Variants in LRRTM3 observed in about 807,000 individuals in gnomAD.
LRRTM3 encodes leucine rich repeat transmembrane neuronal 3.
Under a neutral mutation model 44.7 loss-of-function variants are expected in LRRTM3, and 24 were observed. That is an observed-to-expected ratio of 0.54 (90% CI 0.39 to 0.76). The LOEUF is 0.76. Ranked by LOEUF, LRRTM3 falls within the 30% of genes least tolerant of loss-of-function variation. LRRTM3 has a pLI of 0.00. For missense variants in LRRTM3, 587 were observed against 702.2 expected (o/e 0.84, Z 1.85); for synonymous variants, 277 against 278.7 (o/e 0.99, Z 0.06).
chr10:66,981,382 C>G (rs1850432745), intron 2 of LRRTM3, among the ~76,000 whole-genome samples: 1 of 152,232 alleles, frequency 6.6e-6, no homozygotes, highest in South Asian at 2.1e-4. Context: ...GCATAAGTCA[C>G]CCTGCATTCT....
At chr10:66,950,087 G>A (rs768946644) in intron 2 of LRRTM3, among the ~76,000 whole-genome samples, 3 of 151,968 alleles carry the variant, frequency 2.0e-5, no homozygotes, top group Admixed American at 6.6e-5. Flanking sequence ...CTCTTTGAAC[G>A]TCTCCTTCAG....
At chr10:67,046,723 T>C (rs1854772383) in intron 2 of LRRTM3, among the ~76,000 whole-genome samples, 1 of 152,240 alleles carries the variant, frequency 6.6e-6, no homozygotes, top group African/African-American at 2.4e-5. Flanking sequence ...CAGCATTTTG[T>C]TACCATTATC....
rs35733981 is a variant in LRRTM3 at position 66,927,421 on chromosome 10, C to T, written c.505C>T (p.Leu169=). 0.012 allele frequency: 20,029 copies of T among 1,614,122 alleles called. 428 individuals carry two copies. Among genetic ancestry groups the T allele is most frequent in the African/African-American group, 0.094 (7,030 of 75,022 alleles). Residue 169 remains leucine, a synonymous_variant, in exon 2 of 3, where the codon CTG becomes TTG. Coordinates refer to ENST00000361320, the MANE Select transcript of LRRTM3 (RefSeq NM_178011.5). The surrounding 1 kb of genome is among the most constrained non-coding windows in gnomAD (Gnocchi z 4.7). The part of the protein sequence containing the change: ...LLSLHLRSNS[L]RTIPVRIFQD... The stretch of plus-strand genomic sequence containing the variant: ...GAGTTTACATTTACGGTCTAACTCC[C>T]TGAGAACCATCCCTGTGCGAATATT...
intron 2 of LRRTM3, among the ~76,000 whole-genome samples, chr10:66,943,346 C>A (rs1397134544): frequency 6.6e-6 from 1 of 151,862 alleles, no homozygotes; most frequent in South Asian, 2.1e-4. Flanking sequence ...TTTTTTTTTA[C>A]ACTTTAACAC....
intron 2 of LRRTM3, among the ~76,000 whole-genome samples, chr10:66,966,472 G>A (rs1449220881): frequency 3.3e-5 from 4 of 119,848 alleles, no homozygotes; most frequent in South Asian, 3.5e-4. Flanking sequence ...GGGTTAACTC[G>A]GCTATGTAAT....
At chr10:66,961,891 A>C (rs1039425717) in intron 2 of LRRTM3, among the ~76,000 whole-genome samples, 1 of 152,072 alleles carries the variant, frequency 6.6e-6, no homozygotes, top group Admixed American at 6.6e-5. Context: ...ATGGAGGCCA[A>C]ATGTTTGAAG....
chr10:66,951,647 C>T (rs35415859), intron 2 of LRRTM3, among the ~76,000 whole-genome samples: 25,532 of 150,692 alleles, frequency 0.17, 2,222 homozygotes, highest in Non-Finnish European at 0.18. Context: ...TTCTTAACCA[C>T]ACTATTGGCT....
chr10:66,980,644 G>A (rs183795225), intron 2 of LRRTM3, among the ~76,000 whole-genome samples: 47 of 152,228 alleles, frequency 3.1e-4, no homozygotes, highest in African/African-American at 1.0e-3. Context: ...TTGCAAGCCC[G>A]CAATTCTGTT....
chr10:67,067,225 G>T (rs1209171174), intron 2 of LRRTM3, among the ~76,000 whole-genome samples: 1 of 152,082 alleles, frequency 6.6e-6, no homozygotes, highest in African/African-American at 2.4e-5. Context: ...CAATTTTTAA[G>T]TATGTGTGTA....
At chr10:66,934,446 CA>C (rs1258750665) in intron 2 of LRRTM3, among the ~76,000 whole-genome samples, 2 of 151,980 alleles carry the variant, frequency 1.3e-5, no homozygotes, top group Admixed American at 6.6e-5. Flanking sequence ...GCATTATCTC[CA>C]AAAGAAAAGT....
At chr10:67,017,758 C>CGT (rs1852750274) in intron 2 of LRRTM3, among the ~76,000 whole-genome samples, 2 of 150,990 alleles carry the variant, frequency 1.3e-5, no homozygotes, top group African/African-American at 4.9e-5. Context: ...TGTGTGCGCG[C>CGT]GTACAATTTT....
chr10:66,945,784 G>A (rs369583716), intron 2 of LRRTM3, among the ~76,000 whole-genome samples: 2 of 152,092 alleles, frequency 1.3e-5, no homozygotes, highest in African/African-American at 4.8e-5. Context: ...CCACTGTAGG[G>A]TTATTAATGG....
At chr10:66,932,073 C>T (rs181358459) in intron 2 of LRRTM3, among the ~76,000 whole-genome samples, 146 of 152,274 alleles carry the variant, frequency 9.6e-4, no homozygotes, top group African/African-American at 2.1e-3. Context: ...GCTGATTGTG[C>T]CAGTGACCTG....
At chr10:66,936,918 T>C (rs974911439) in intron 2 of LRRTM3, among the ~76,000 whole-genome samples, 1 of 152,142 alleles carries the variant, frequency 6.6e-6, no homozygotes, top group Non-Finnish European at 1.5e-5. Context: ...AGAGCAGGCA[T>C]AGCCAGCAGG....
chr10:67,018,768 T>C (rs1268522841), intron 2 of LRRTM3, among the ~76,000 whole-genome samples: 2 of 152,224 alleles, frequency 1.3e-5, no homozygotes, highest in African/African-American at 4.8e-5. Flanking sequence ...AGGAGTTAAT[T>C]TGAGCAACGC....
intron 2 of LRRTM3, among the ~76,000 whole-genome samples, chr10:67,088,480 G>A (rs1033431972): frequency 6.6e-6 from 1 of 151,612 alleles, no homozygotes; most frequent in Non-Finnish European, 1.5e-5. Context: ...ATTTTTTATT[G>A]CAAAGATAAA....
At chr10:67,014,049 TA>T (rs1203664560) in intron 2 of LRRTM3, among the ~76,000 whole-genome samples, 2 of 152,126 alleles carry the variant, frequency 1.3e-5, no homozygotes, top group African/African-American at 4.8e-5. Context: ...AGGGGGAGTG[TA>T]AAAAATAACC....
chr10:67,009,688 T>C (rs1007614785), intron 2 of LRRTM3, among the ~76,000 whole-genome samples: 32 of 152,282 alleles, frequency 2.1e-4, no homozygotes, highest in African/African-American at 7.7e-4. Flanking sequence ...TCCTTTCTAT[T>C]TGATGGTTGT....
At chr10:67,010,751 C>T (rs1852272025) in intron 2 of LRRTM3, among the ~76,000 whole-genome samples, 1 of 152,150 alleles carries the variant, frequency 6.6e-6, no homozygotes, top group Admixed American at 6.5e-5. Context: ...ACAATGTTTG[C>T]CATACCCCAA....
Sources: allele counts gnomAD v4.1 joint callset (sites outside exome capture counted in the v4.1 genomes callset), GRCh38; gene constraint gnomAD v4.1.1; non-coding constraint Gnocchi (gnomAD v3.1); transcripts MANE v1.5; gene names NCBI Gene and HGNC (gene_info 2026-07-23, HGNC 2026-07-21).